The following TTC28 variants were observed in gnomAD, a reference collection of about 807,000 sequenced individuals.
The protein encoded by TTC28 is tetratricopeptide repeat domain 28.
In TTC28, 61 loss-of-function variants were observed where a neutral mutation model predicts 198.0. The ratio of observed to expected loss-of-function variants is 0.31; its 90% confidence interval spans 0.25 to 0.38. TTC28 has a LOEUF of 0.38. Among genes scored for constraint, TTC28 ranks in the 10% least tolerant of loss-of-function variants. TTC28 has a pLI of 1.00. For missense variants in TTC28, 2,678 were observed against 3,164.0 expected, an observed-to-expected ratio of 0.85 and a Z score of 3.69; for synonymous variants, 1,171 against 1,297.8, an observed-to-expected ratio of 0.90 and a Z score of 2.10.
intron 1 of TTC28, among the ~76,000 whole-genome samples, chr22:28,663,399 C>T (rs1451398323): frequency 1.3e-5 from 2 of 149,796 alleles, no homozygotes; most frequent in Admixed American, 1.3e-4. Context: ...GTTCATCTCA[C>T]TAGGGAGTGC....
At chr22:28,290,009 G>C (rs2044757833) in intron 5 of TTC28, among the ~76,000 whole-genome samples, 1 of 152,004 alleles carries the variant, frequency 6.6e-6, no homozygotes, top group Non-Finnish European at 1.5e-5. Context: ...AGGCGACAGA[G>C]CGAGACCCCA....
rs530362898 is a variant in TTC28, at chr22:28,501,414, T to C, written c.381+128138A>G. Among the ~76,000 whole-genome samples, 20 of 152,176 alleles carry C rather than the reference T, an allele frequency of 1.3e-4. No homozygotes were observed. The South Asian group carries it at 3.9e-3, about 30-fold the overall frequency. ...ACGTGTGAAGGGAACTGTGATGAGTTTGATGTAGTGAAAAAAGAATTTAGA... is the reference window on the plus strand; with the variant it reads ...ACGTGTGAAGGGAACTGTGATGAGTCTGATGTAGTGAAAAAAGAATTTAGA... On this transcript the variant is annotated intron_variant, in intron 2 of 22. Transcript: ENST00000397906.
At chr22:28,555,538 T>C (rs1395968859) in intron 2 of TTC28, among the ~76,000 whole-genome samples, 2 of 152,200 alleles carry the variant, frequency 1.3e-5, no homozygotes, top group Admixed American at 1.3e-4. Flanking sequence ...ATAATGGCAT[T>C]TGCAGCAACC....
intron 2 of TTC28, among the ~76,000 whole-genome samples, chr22:28,308,154 A>G (rs80080405): frequency 0.017 from 2,541 of 152,244 alleles, 92 homozygotes; most frequent in African/African-American, 0.059. Flanking sequence ...TAACCTGTAA[A>G]TGCACTTTCA....
intron 14 of TTC28, among the ~76,000 whole-genome samples, chr22:28,004,008 T>C (rs538674168): frequency 2.0e-5 from 3 of 152,344 alleles, no homozygotes; most frequent in East Asian, 3.9e-4. Flanking sequence ...GATGATGTAC[T>C]TAGAAAACTA....
chr22:28,422,588 G>A (rs1028768579), intron 2 of TTC28, among the ~76,000 whole-genome samples: 14 of 151,796 alleles, frequency 9.2e-5, no homozygotes, highest in Non-Finnish European at 1.5e-4. Flanking sequence ...ACAGGTGCCC[G>A]CCACCACGCC....
intron 2 of TTC28, among the ~76,000 whole-genome samples, chr22:28,337,354 G>A (rs1340761518): frequency 1.3e-5 from 2 of 152,152 alleles, no homozygotes; most frequent in Non-Finnish European, 2.9e-5. Flanking sequence ...TGTCTATTAG[G>A]TCCGCTTGGT....
At chr22:28,352,412 C>T (rs990534079) in intron 2 of TTC28, among the ~76,000 whole-genome samples, 2 of 151,522 alleles carry the variant, frequency 1.3e-5, no homozygotes, top group Non-Finnish European at 2.9e-5. Flanking sequence ...GGCACAGCTC[C>T]AAATCTAAAA....
chr22:28,096,333 T>C lies in TTC28; in HGVS notation c.3623A>G (p.Gln1208Arg). The stretch of plus-strand genomic sequence containing the variant: ...GGGGTCGGAGTCTTGTTGTCCTGTT[T>C]GTCGTTCCACCAGAAGATCAGCAAA... ...RAFADLLVERQTGQQDSDPYS... is the reference protein window; with the variant it reads ...RAFADLLVERRTGQQDSDPYS... Residue 1208 changes from glutamine to arginine, a missense_variant, in exon 11 of 23, where the codon CAA becomes CGA. Around this residue, in one of 8 missense-constraint regions of TTC28, gnomAD observed 727 missense variants for 861.9 expected, o/e 0.84. Coordinates refer to ENST00000397906, the MANE Select transcript of TTC28 (RefSeq NM_001145418.2). 6.4e-7 allele frequency: 1 copy of C among 1,552,104 alleles called. No individual in the cohort carries two copies.
At chr22:28,545,330 G>C (rs1452778256) in intron 2 of TTC28, among the ~76,000 whole-genome samples, 2 of 152,142 alleles carry the variant, frequency 1.3e-5, no homozygotes, top group Non-Finnish European at 2.9e-5. Context: ...AGCAATTTGG[G>C]AGGCCATGAC....
intron 2 of TTC28, among the ~76,000 whole-genome samples, chr22:28,572,804 G>A (rs573668434): frequency 1.3e-3 from 191 of 152,198 alleles, no homozygotes; most frequent in African/African-American, 4.0e-3. Context: ...GGTGATTAAC[G>A]TTTAAAGCTA....
rs552159885 is a variant in TTC28, at chr22:28,675,730, C to A, written c.102+3892G>T. ...CTCCAGCCTGGGCGACAGAGTGAAA[C>A]CCTGTCACACACACACACACACACA... On this transcript the variant is annotated intron_variant, in intron 1 of 22. Transcript: ENST00000397906. Among the ~76,000 whole-genome samples, 11 of 139,262 alleles carry A rather than the reference C, an allele frequency of 7.9e-5. No individual in the cohort carries two copies. In the East Asian group the frequency reaches 2.1e-3, roughly 27 times the overall value. The allele number at this position is 139,262 out of a possible 152,430, so 91.4% of individuals were successfully genotyped here. A position where few individuals can be genotyped will look rare whatever the true frequency, so the allele number is the denominator to read the frequency against.
chr22:28,280,049 A>G (rs1303270501), intron 5 of TTC28, among the ~76,000 whole-genome samples: 1 of 152,194 alleles, frequency 6.6e-6, no homozygotes, highest in Non-Finnish European at 1.5e-5. Context: ...TGCCATAAAC[A>G]TTCTTATACA....
At chr22:27,984,719 G>T (rs1601478945) in intron 22 of TTC28, among the ~76,000 whole-genome samples, 1 of 152,306 alleles carries the variant, frequency 6.6e-6, no homozygotes, top group East Asian at 1.9e-4. Context: ...TCCCATTTTG[G>T]CAGTTCTTCC....
chr22:28,038,136 A>T (rs544193096), intron 12 of TTC28, among the ~76,000 whole-genome samples: 2 of 152,324 alleles, frequency 1.3e-5, no homozygotes, highest in African/African-American at 4.8e-5. Context: ...TCAAGCTACC[A>T]ATGACTTTCT....
At chr22:28,449,318 G>T (rs1442534278) in intron 2 of TTC28, among the ~76,000 whole-genome samples, 1 of 152,218 alleles carries the variant, frequency 6.6e-6, no homozygotes, top group African/African-American at 2.4e-5. Context: ...GCATCTAATA[G>T]ATCTGAAATC....
chr22:28,530,918 T>C (rs1325065281), intron 2 of TTC28, among the ~76,000 whole-genome samples: 6 of 152,018 alleles, frequency 3.9e-5, no homozygotes, highest in South Asian at 2.1e-4. Context: ...GCACTAAACA[T>C]GGAAAGGAAC....
intron 5 of TTC28, among the ~76,000 whole-genome samples, chr22:28,284,293 A>G (rs1483578781): frequency 6.6e-6 from 1 of 152,180 alleles, no homozygotes; most frequent in Non-Finnish European, 1.5e-5. Flanking sequence ...AGTGGGGGGA[A>G]GAACACCATT....
intron 2 of TTC28, among the ~76,000 whole-genome samples, chr22:28,553,483 G>C (rs6005812): frequency 1.3e-5 from 2 of 149,088 alleles, no homozygotes; most frequent in Non-Finnish European, 3.0e-5. Context: ...CCGCAACCCC[G>C]TCTGGGAGGC....
Sources: gnomAD v4.1 joint callset for allele counts (sites outside exome capture counted in the v4.1 genomes callset) on GRCh38, gnomAD v4.1.1 for gene constraint, gnomAD v4.1.1 regional missense constraint, MANE v1.5 for transcripts, NCBI Gene and HGNC (gene_info 2026-07-23, HGNC 2026-07-21) for gene names.